The following MYO1D variants were observed in gnomAD, a reference collection of about 807,000 sequenced individuals.
The protein encoded by MYO1D is unconventional myosin-Id.
A neutral mutation model predicts 122.0 loss-of-function variants in MYO1D; 83 were observed. The observed-to-expected ratio is 0.68, with a 90% CI of 0.57 to 0.82. The LOEUF (loss-of-function observed/expected upper bound fraction) is 0.82, where lower values mean the gene tolerates loss of function less well. Among genes scored for constraint, MYO1D ranks in the 40% least tolerant of loss-of-function variants. MYO1D has a pLI of 0.00. For missense variants in MYO1D, 1,157 were observed against 1,269.5 expected (o/e 0.91, Z 1.35); for synonymous variants, 464 against 446.9 (o/e 1.04, Z -0.48).
At chr17:32,507,736 G>C (rs539681644) in intron 21 of MYO1D, among the ~76,000 whole-genome samples, 61 of 152,292 alleles carry the variant, frequency 4.0e-4, no homozygotes, top group Admixed American at 6.5e-4. Flanking sequence ...AGGTCATTAA[G>C]GTTAAATGAG....
intron 3 of MYO1D, among the ~76,000 whole-genome samples, chr17:32,776,392 A>G (rs997023908): frequency 1.3e-5 from 2 of 152,186 alleles, no homozygotes; most frequent in African/African-American, 4.8e-5. Context: ...GTGCATACAC[A>G]TGTATCAGCA....
Position 32,864,169 on chromosome 17 carries a change from G to A in MYO1D, c.95+12609C>T, listed in dbSNP as rs559379618. 4.6e-5 allele frequency among the ~76,000 whole-genome samples: 7 copies of A among 151,628 alleles called. No homozygotes were observed. In the South Asian group the frequency reaches 1.5e-3, roughly 32 times the overall value. ...TATTCCTTGGAACCCCACTATGCAG[G>A]AGCAGAGCTGCTCTGTTAAAAGCAC... On this transcript the variant is annotated intron_variant, in intron 1 of 21. Coordinates refer to ENST00000318217, the MANE Select transcript of MYO1D (RefSeq NM_015194.3).
At chr17:32,873,405 A>G (rs1050831390) in intron 1 of MYO1D, among the ~76,000 whole-genome samples, 29 of 152,242 alleles carry the variant, frequency 1.9e-4, no homozygotes, top group African/African-American at 7.0e-4. Context: ...TTGGGAGGGC[A>G]GGAGTCATGA....
In MYO1D at chr17:32,760,697, G is replaced by C. The variant is rs2089992686; in HGVS notation, c.1036-70C>G. On this transcript the variant is annotated intron_variant, in intron 8 of 21. Coordinates refer to ENST00000318217, the MANE Select transcript of MYO1D (RefSeq NM_015194.3). ...AGTCCTCTGTTTGGATTTGTGATCA[G>C]TTTTAAATTCCTGTCCACCTTCTCA... The C allele has an allele frequency of 5.4e-6, 8 of 1,478,550 alleles. No homozygotes were observed. In the Admixed American group the frequency reaches 9.9e-5, roughly 18 times the overall value. 91.6% of individuals were successfully genotyped at this position (1,478,550 alleles called of 1,614,324 possible). A position where few individuals can be genotyped will look rare whatever the true frequency, so the allele number is the denominator to read the frequency against.
At chr17:32,739,382 C>T (rs1417811605) in intron 13 of MYO1D, among the ~76,000 whole-genome samples, 1 of 151,000 alleles carries the variant, frequency 6.6e-6, no homozygotes, top group Non-Finnish European at 1.5e-5. Context: ...TCTTAGCAAA[C>T]TATCGCAAGG....
chr17:32,810,887 T>C (rs931473297), intron 1 of MYO1D, among the ~76,000 whole-genome samples: 7 of 152,360 alleles, frequency 4.6e-5, no homozygotes, highest in African/African-American at 1.7e-4. Context: ...TATGAGTCTT[T>C]TAAAAAGTAG....
At chr17:32,781,073 A>G (rs767106672) in intron 1 of MYO1D, among the ~76,000 whole-genome samples, 16 of 152,254 alleles carry the variant, frequency 1.1e-4, no homozygotes, top group Non-Finnish European at 2.2e-4. Context: ...TAAGAAGATG[A>G]AAAAGCTAAA....
chr17:32,508,399 C>T (rs578208404), intron 21 of MYO1D, among the ~76,000 whole-genome samples: 3 of 152,058 alleles, frequency 2.0e-5, no homozygotes, highest in South Asian at 4.1e-4. Flanking sequence ...CTCAGACTGC[C>T]GAGTAGCTGG....
intron 16 of MYO1D, among the ~76,000 whole-genome samples, chr17:32,696,325 A>C (rs934070194): frequency 6.6e-6 from 1 of 152,226 alleles, no homozygotes; most frequent in Non-Finnish European, 1.5e-5. Context: ...ATAAGCCATT[A>C]GTACACTTAT....
chr17:32,800,303 A>G (rs1409789867), intron 1 of MYO1D, among the ~76,000 whole-genome samples: 1 of 152,204 alleles, frequency 6.6e-6, no homozygotes, highest in Non-Finnish European at 1.5e-5. Context: ...TCATCAACAG[A>G]GGAATAGATT....
intron 15 of MYO1D, among the ~76,000 whole-genome samples, chr17:32,718,105 A>T (rs538366464): frequency 7.9e-5 from 12 of 152,266 alleles, no homozygotes; most frequent in African/African-American, 2.2e-4. Flanking sequence ...TTTACTTTTT[A>T]AAAAAGTTTA....
At chr17:32,569,817 G>C (rs1231237185) in intron 21 of MYO1D, among the ~76,000 whole-genome samples, 1 of 152,134 alleles carries the variant, frequency 6.6e-6, no homozygotes. Context: ...ATATATTAAA[G>C]AGCCAGAAAA....
rs541144748 is a variant in MYO1D, at chr17:32,710,672, T to C, written c.2121+1316A>G. ...AGAATGCTTACAGAATAGGAGAATA[T>C]ATAACATCTAAAGTAAATAAGAGGT... is the stretch of plus-strand genomic sequence containing the variant. On this transcript the variant is annotated intron_variant, in intron 16 of 21. Coordinates refer to ENST00000318217, the MANE Select transcript of MYO1D (RefSeq NM_015194.3). 3.3e-4 allele frequency among the ~76,000 whole-genome samples: 51 copies of C among 152,324 alleles called. No homozygotes were observed. In the South Asian group the frequency reaches 0.011, roughly 32 times the overall value.
intron 16 of MYO1D, among the ~76,000 whole-genome samples, chr17:32,661,523 T>G (rs1219510606): frequency 6.6e-6 from 1 of 152,000 alleles, no homozygotes; most frequent in Non-Finnish European, 1.5e-5. Context: ...TGTGTGGTGG[T>G]GTGCACCTGT....
intron 21 of MYO1D, among the ~76,000 whole-genome samples, chr17:32,521,874 A>G (rs1910151106): frequency 6.6e-6 from 1 of 152,018 alleles, no homozygotes; most frequent in Non-Finnish European, 1.5e-5. Flanking sequence ...ATGAAGTCAG[A>G]AGTTCAAGAC....
In MYO1D at chr17:32,755,621, C is replaced by T. The variant is rs2089939567; in HGVS notation, c.1338G>A (p.Glu446=). 1 of 1,613,786 alleles carries T rather than the reference C, an allele frequency of 6.2e-7. No homozygotes were observed. Among genetic ancestry groups the T allele is most frequent in the Non-Finnish European group, 8.5e-7 (1 of 1,179,806 alleles). The change falls in exon 11 of 22, where the codon GAG becomes GAA. Residue 446 remains glutamate, a synonymous_variant. Transcript: ENST00000318217. ...TTGCAATGATCCCTTTGTGCTGTTG[C>T]TCCACGAGGTCAACAATGATCTGAT... ...FNNQIIVDLV[E]QQHKGIIAIL...
chr17:32,701,467 G>GA (rs2089247903), intron 16 of MYO1D, among the ~76,000 whole-genome samples: 2 of 152,018 alleles, frequency 1.3e-5, no homozygotes. Flanking sequence ...TAATTCAAGA[G>GA]AAAAAAATGA....
chr17:32,594,282 A>G (rs2087468263), intron 21 of MYO1D: 1 of 324,468 alleles, frequency 3.1e-6, no homozygotes, highest in Non-Finnish European at 5.6e-6. Flanking sequence ...ATTGCTAAGA[A>G]AGTTAACATG....
chr17:32,517,897 A>C (rs1296712393), intron 21 of MYO1D, among the ~76,000 whole-genome samples: 1 of 152,186 alleles, frequency 6.6e-6, no homozygotes, highest in Non-Finnish European at 1.5e-5. Context: ...AGGGTCACAG[A>C]GCTCAGAGGA....
Sources: allele counts gnomAD v4.1 joint callset (sites outside exome capture counted in the v4.1 genomes callset), GRCh38; gene constraint gnomAD v4.1.1; transcripts MANE v1.5; gene names NCBI Gene and HGNC (gene_info 2026-07-23, HGNC 2026-07-21).